The following TPP2 variants were observed in gnomAD, a reference collection of about 807,000 sequenced individuals.
The protein encoded by TPP2 is tripeptidyl-peptidase 2.
In TPP2, 34 loss-of-function variants were observed where a neutral mutation model predicts 155.9. That is an observed-to-expected ratio of 0.22 (90% CI 0.17 to 0.29). The LOEUF (loss-of-function observed/expected upper bound fraction) is 0.29, where lower values mean the gene tolerates loss of function less well. Among genes scored for constraint, TPP2 ranks in the 10% least tolerant of loss-of-function variants. TPP2 has a pLI of 1.00. For synonymous variants in TPP2, 510 were observed against 529.4 expected (o/e 0.96, Z 0.50); for missense variants, 1,028 against 1,522.3 (o/e 0.68, Z 5.40).
At chr13:102,613,853 C>T (rs1271418486) in intron 2 of TPP2, among the ~76,000 whole-genome samples, 2 of 152,138 alleles carry the variant, frequency 1.3e-5, no homozygotes. Flanking sequence ...GTTGAAAGCA[C>T]TTTTTAAACC....
chr13:102,622,958 C>T lies in TPP2; in HGVS notation c.702C>T (p.Gly234=). 6.2e-7 allele frequency: 1 copy of T among 1,614,106 alleles called. No individual in the cohort carries two copies. Among genetic ancestry groups the T allele is most frequent in the Non-Finnish European group, 8.5e-7 (1 of 1,180,026 alleles). ...LRNYKEAQEY[G]SFGTAEMLNY... The stretch of plus-strand genomic sequence containing the variant: ...ACTACAAAGAAGCCCAAGAATATGG[C>T]TCTTTTGGCACAGCTGAGATGTTGA... The change falls in exon 6 of 30, where the codon GGC becomes GGT. Residue 234 remains glycine, a synonymous_variant. Coordinates refer to ENST00000376052, the MANE Select transcript of TPP2 (RefSeq NM_001330588.2).
intron 27 of TPP2, among the ~76,000 whole-genome samples, chr13:102,669,084 A>G (rs1250221339): frequency 6.6e-6 from 1 of 152,234 alleles, no homozygotes; most frequent in African/African-American, 2.4e-5. Context: ...GAACCGCACC[A>G]TACATTACTG....
chr13:102,637,320 A>T, intron 14 of TPP2, 81 bp downstream of exon 14: 2 of 1,446,240 alleles, frequency 1.4e-6, no homozygotes, highest in Non-Finnish European at 1.8e-6. Flanking sequence ...GTATATTTGC[A>T]ATATATTGCT....
At chr13:102,626,958 TA>T (rs1881666610) in intron 6 of TPP2, 53 bp from the exon 7 acceptor site, 1 of 1,433,488 alleles carries the variant, frequency 7.0e-7, no homozygotes, top group African/African-American at 1.4e-5. Context: ...TTGAATTGAA[TA>T]AACTTTCAGT....
Position 102,618,892 on chromosome 13 carries a change from T to C in TPP2, c.620+46T>C, listed in dbSNP as rs375845118. ...ACATCTTCATTTACAAATGTTTTCTTTTCTACTCTGAAAAACATTAAATGC... is the reference window on the plus strand; with the variant it reads ...ACATCTTCATTTACAAATGTTTTCTCTTCTACTCTGAAAAACATTAAATGC... On this transcript the variant is annotated intron_variant, in intron 5 of 29. Coordinates refer to ENST00000376052, the MANE Select transcript of TPP2 (RefSeq NM_001330588.2). 7.0e-5 allele frequency: 109 copies of C among 1,564,440 alleles called. No individual in the cohort carries two copies. In the Middle Eastern group the frequency reaches 1.7e-3, roughly 24 times the overall value.
chr13:102,636,719 A>G (rs1882406131), intron 13 of TPP2, among the ~76,000 whole-genome samples: 1 of 152,240 alleles, frequency 6.6e-6, no homozygotes, highest in South Asian at 2.1e-4. Flanking sequence ...TTTCTGTTGA[A>G]GAATGAAAAG....
intron 15 of TPP2, among the ~76,000 whole-genome samples, chr13:102,639,627 TTTC>T (rs1259901427): frequency 6.8e-6 from 1 of 147,572 alleles, no homozygotes; most frequent in Non-Finnish European, 1.5e-5. Context: ...AGAATCATAT[TTTC>T]TTCTTTGTTA....
At chr13:102,643,745 T>C (rs1882918342) in intron 17 of TPP2, among the ~76,000 whole-genome samples, 1 of 152,222 alleles carries the variant, frequency 6.6e-6, no homozygotes. Context: ...TGTTAAGCTA[T>C]GAGGCTAATT....
At position 102,638,268 on chromosome 13, in the gene TPP2, C is replaced by A. The variant is rs754407006; in HGVS notation, c.1866C>A (p.Asn622Lys). 1.2e-6 allele frequency: 2 copies of A among 1,612,844 alleles called. No individual in the cohort carries two copies. Among genetic ancestry groups the A allele is most frequent in the African/African-American group, 2.7e-5 (2 of 75,014 alleles). ...EVCGYDIASP[N>K]AGPLFRVPIT... is the part of the protein sequence containing the mutation. ...GTGGCTATGATATAGCATCCCCTAA[C>A]GCAGGTCCGCTCTTCAGAGTTCCGA... Residue 622 changes from asparagine to lysine, a missense_variant, in exon 15 of 30, where the codon AAC (asparagine) becomes AAA (lysine). By Grantham distance (94) the Asn-to-Lys change is moderately conservative. Around this residue, in one of 7 missense-constraint regions of TPP2, gnomAD observed 325 missense variants for 463.7 expected, o/e 0.70. Transcript: ENST00000376052.
Position 102,678,331 on chromosome 13 carries a change from CTTTAAAT to C in TPP2, c.*22_*28del. Reference sequence around the variant, plus strand: ...GCGTATTCTAAAATAGGAAACAAGACTTTAAATTTTAAAAAAGGAAGTTTTATAGTGA... The same window carrying C: ...GCGTATTCTAAAATAGGAAACAAGACTTTAAAAAAGGAAGTTTTATAGTGA... On this transcript the variant is annotated 3_prime_UTR_variant, in exon 30 of 30. Transcript: ENST00000376052. 6.3e-7 allele frequency: 1 copy of C among 1,599,502 alleles called. No homozygotes were observed. Among genetic ancestry groups the C allele is most frequent in the Non-Finnish European group, 8.5e-7 (1 of 1,176,112 alleles).
chr13:102,621,856 T>C (rs1881192187), intron 5 of TPP2, among the ~76,000 whole-genome samples: 1 of 152,230 alleles, frequency 6.6e-6, no homozygotes, highest in African/African-American at 2.4e-5. Context: ...AGACAAGTGC[T>C]ACTTCTGTAG....
chr13:102,650,131 G>GT (rs1329583789), intron 23 of TPP2, among the ~76,000 whole-genome samples: 2 of 151,934 alleles, frequency 1.3e-5, no homozygotes, highest in East Asian at 3.9e-4. Context: ...ACCTGTTTTT[G>GT]TTTTTTCCTT....
intron 25 of TPP2, among the ~76,000 whole-genome samples, chr13:102,657,839 A>G (rs909710081): frequency 5.3e-5 from 8 of 152,174 alleles, no homozygotes; most frequent in Non-Finnish European, 7.4e-5. Flanking sequence ...TGAGATGAGT[A>G]TAATAATTTA....
intron 2 of TPP2, among the ~76,000 whole-genome samples, chr13:102,610,965 T>G (rs150717713): frequency 5.6e-4 from 86 of 152,322 alleles, no homozygotes; most frequent in African/African-American, 2.0e-3. Context: ...CCTTTGCTTT[T>G]TTGTGTGTAG....
rs764491993 is a variant in TPP2, at chr13:102,649,184, A to G, written c.2873+33A>G. 5.1e-6 allele frequency: 8 copies of G among 1,568,162 alleles called. No homozygotes were observed. In the Admixed American group the frequency reaches 9.3e-5, roughly 18 times the overall value. ...ATAACATTGCTTATACTTACTGCCC[A>G]TCGTATACACTGTAGTCCTTTTAAT... On this transcript the variant is annotated intron_variant, in intron 22 of 29. Transcript: ENST00000376052.
At chr13:102,614,787 G>C (rs1212994128) in intron 3 of TPP2, among the ~76,000 whole-genome samples, 1 of 152,230 alleles carries the variant, frequency 6.6e-6, no homozygotes, top group African/African-American at 2.4e-5. Flanking sequence ...TAATGGAAAT[G>C]TTTGAAATGT....
Position 102,629,357 on chromosome 13 carries a change from C to T in TPP2, c.1017-125C>T, listed in dbSNP as rs1414424662. 1.3e-5 allele frequency: 14 copies of T among 1,103,998 alleles called. No individual in the cohort carries two copies. The South Asian group carries it at 3.1e-4, about 25-fold the overall frequency. 68.4% of individuals were successfully genotyped at this position (1,103,998 alleles called of 1,614,324 possible). On this transcript the variant is annotated intron_variant, in intron 8 of 29. Coordinates refer to ENST00000376052, the MANE Select transcript of TPP2 (RefSeq NM_001330588.2). Reference sequence around the variant, plus strand: ...GGTATATCACTTAGAATGGCTGTATCATGTTCCACCAAGGGTGGATGTACC... The same window carrying T: ...GGTATATCACTTAGAATGGCTGTATTATGTTCCACCAAGGGTGGATGTACC...
At position 102,646,381 on chromosome 13, in the gene TPP2, C is replaced by T; in HGVS notation, c.2481C>T (p.Asn827=). 6.2e-7 allele frequency: 1 copy of T among 1,611,586 alleles called. No homozygotes were observed. The highest frequency in any genetic ancestry group is 8.5e-7 in the Non-Finnish European group (1 of 1,178,966). Reference sequence around the variant, plus strand: ...TTTATGAGATGGTCCTGACATATAACTTTCATCAAGTAAGTGTTTGCCTAG... The same window carrying T: ...TTTATGAGATGGTCCTGACATATAATTTTCATCAAGTAAGTGTTTGCCTAG... The part of the protein sequence containing the change: ...RQLYEMVLTY[N]FHQPKSGEVT... The change falls in exon 20 of 30, where the codon AAC becomes AAT. Residue 827 remains asparagine, a synonymous_variant. Transcript: ENST00000376052.
At chr13:102,615,452 T>C (rs1226138224) in intron 3 of TPP2, among the ~76,000 whole-genome samples, 1 of 152,196 alleles carries the variant, frequency 6.6e-6, no homozygotes, top group Admixed American at 6.5e-5. Flanking sequence ...ATGACTGCAT[T>C]TTATATAGTA....
Sources: allele counts gnomAD v4.1 joint callset (sites outside exome capture counted in the v4.1 genomes callset), GRCh38; gene constraint gnomAD v4.1.1; regional missense constraint gnomAD v4.1.1; transcripts MANE v1.5; gene names NCBI Gene and HGNC (gene_info 2026-07-23, HGNC 2026-07-21).